ABL1: variants seen among roughly 807,000 people sequenced by gnomAD.
The protein encoded by ABL1 is tyrosine-protein kinase ABL1.
Under a neutral mutation model 94.7 loss-of-function variants are expected in ABL1, and 11 were observed. The observed-to-expected ratio is 0.12, with a 90% CI of 0.07 to 0.19. The LOEUF is 0.19. Among genes scored for constraint, ABL1 ranks in the 10% least tolerant of loss-of-function variants. ABL1 has a pLI of 1.00. For missense variants in ABL1, 1,082 were observed against 1,489.4 expected (o/e 0.73, Z 4.50); for synonymous variants, 656 against 622.4 (o/e 1.05, Z -0.80).
At chr9:130,793,124 T>C (rs935364123) in intron 1 of ABL1, among the ~76,000 whole-genome samples, 1 of 152,006 alleles carries the variant, frequency 6.6e-6, no homozygotes, top group African/African-American at 2.4e-5. Flanking sequence ...CGGGGTTTCA[T>C]CATGTTGGCC....
Position 130,835,672 on chromosome 9 carries a change from TTCTC to T in ABL1, c.79+149_79+152del. The T allele has an allele frequency of 3.5e-6, 2 of 570,922 alleles. No homozygotes were observed. The highest frequency in any genetic ancestry group is 6.3e-6 in the Non-Finnish European group (2 of 318,016). The allele number at this position is 570,922 out of a possible 1,614,324, so 35.4% of individuals were successfully genotyped here. ...TTTCTTTCTTCCCTCTTCTCTTCTC[TTCTC>T]TTCAGTTCTCTTATATTCTGTCTCT... On this transcript the variant is annotated intron_variant, in intron 1 of 10. Coordinates refer to ENST00000318560, the MANE Select transcript of ABL1 (RefSeq NM_005157.6). The surrounding 1 kb of genome is among the most constrained non-coding windows in gnomAD (Gnocchi z 4.6).
intron 4 of ABL1, among the ~76,000 whole-genome samples, chr9:130,867,842 T>C (rs1831181995): frequency 6.6e-6 from 1 of 152,138 alleles, no homozygotes; most frequent in African/African-American, 2.4e-5. Context: ...GGGGCTCCTC[T>C]ACGAGGTGGT....
Position 130,884,996 on chromosome 9 carries a change from A to G in ABL1, c.2706A>G (p.Pro902=), listed in dbSNP as rs749892005. 2.4e-5 allele frequency: 38 copies of G among 1,611,460 alleles called. No homozygotes were observed. The highest frequency in any genetic ancestry group is 3.2e-5 in the Non-Finnish European group (38 of 1,179,510). ...LSRLKPAPPP[P]PAASAGKAGG... Reference sequence around the variant, plus strand: ...GGCTCAAACCTGCCCCGCCGCCCCCACCAGCAGCCTCTGCAGGGAAGGCTG... The same window carrying G: ...GGCTCAAACCTGCCCCGCCGCCCCCGCCAGCAGCCTCTGCAGGGAAGGCTG... Residue 902 remains proline (P), a synonymous_variant, in exon 11 of 11, where the codon CCA becomes CCG. Coordinates refer to ENST00000318560, the MANE Select transcript of ABL1 (RefSeq NM_005157.6). This position sits in a 1 kb window ranked among gnomAD's most constrained non-coding sequence, Gnocchi z 5.6.
rs757631617 is a variant in ABL1, at chr9:130,885,381, G to A, written c.3091G>A (p.Val1031Met). Residue 1031 changes from valine (V) to methionine (M), a missense_variant, in exon 11 of 11, where the codon GTG (valine) becomes ATG (methionine). By Grantham distance (21) the Val-to-Met change is conservative. Coordinates refer to ENST00000318560, the MANE Select transcript of ABL1 (RefSeq NM_005157.6). ...RIASGAITKGVVLDSTEALCL... is the reference protein window; with the variant it reads ...RIASGAITKGMVLDSTEALCL... Reference sequence around the variant, plus strand: ...CGCCAGCGGCGCCATCACCAAGGGCGTGGTCCTGGACAGCACCGAGGCGCT... The same window carrying A: ...CGCCAGCGGCGCCATCACCAAGGGCATGGTCCTGGACAGCACCGAGGCGCT... The A allele has an allele frequency of 3.3e-5, 54 of 1,613,530 alleles. No individual in the cohort carries two copies. The highest frequency in any genetic ancestry group is 1.2e-4 in the African/African-American group (9 of 74,932).
At chr9:130,737,295 T>C (rs530535293) in intron 1 of ABL1, among the ~76,000 whole-genome samples, 6 of 152,284 alleles carry the variant, frequency 3.9e-5, no homozygotes, top group African/African-American at 1.4e-4. Context: ...TGAGATGAAG[T>C]CTCACTCTGT....
intron 1 of ABL1, among the ~76,000 whole-genome samples, chr9:130,719,310 C>T (rs1303020385): frequency 1.3e-5 from 2 of 152,096 alleles, no homozygotes; most frequent in African/African-American, 4.8e-5. Context: ...ATGTGGATCA[C>T]CTGAGGTCAG....
intron 1 of ABL1, among the ~76,000 whole-genome samples, chr9:130,824,767 C>T (rs564682445): frequency 6.6e-6 from 1 of 152,148 alleles, no homozygotes; most frequent in Non-Finnish European, 1.5e-5. Context: ...CACCACAGTG[C>T]CACTTAGTGA....
chr9:130,757,765 T>C (rs1832059290), intron 1 of ABL1, among the ~76,000 whole-genome samples: 1 of 151,936 alleles, frequency 6.6e-6, no homozygotes, highest in Non-Finnish European at 1.5e-5. Flanking sequence ...CTAGTCTCGA[T>C]CTCCTGACCT....
chr9:130,845,281 A>G (rs1588264085), intron 1 of ABL1, among the ~76,000 whole-genome samples: 1 of 152,090 alleles, frequency 6.6e-6, no homozygotes, highest in African/African-American at 2.4e-5. Flanking sequence ...TAGCCAGACA[A>G]TTTTTAAGAA....
intron 1 of ABL1, among the ~76,000 whole-genome samples, chr9:130,800,442 T>C (rs1010679540): frequency 4.0e-5 from 6 of 151,458 alleles, no homozygotes; most frequent in Non-Finnish European, 8.8e-5. Context: ...AAACACCATG[T>C]GTTCCCCAAA....
chr9:130,753,540 C>T (rs1239180778), intron 1 of ABL1, among the ~76,000 whole-genome samples: 2 of 149,308 alleles, frequency 1.3e-5, no homozygotes, highest in Non-Finnish European at 3.0e-5. Flanking sequence ...ATTCTCCTGC[C>T]TCAGCCTCCC....
In ABL1 at chr9:130,885,564, A is replaced by T. The variant is rs1427306094; in HGVS notation, c.3274A>T (p.Asn1092Tyr). The T allele has an allele frequency of 6.2e-7, 1 of 1,613,958 alleles. No individual in the cohort carries two copies. Among genetic ancestry groups the T allele is most frequent in the Non-Finnish European group, 8.5e-7 (1 of 1,180,046 alleles). ...AFREAINKLE[N>Y]NLRELQICPA... Reference sequence around the variant, plus strand: ...CCGAGAGGCCATCAACAAACTGGAGAATAATCTCCGGGAGCTTCAGATCTG... The same window carrying T: ...CCGAGAGGCCATCAACAAACTGGAGTATAATCTCCGGGAGCTTCAGATCTG... The change falls in exon 11 of 11, where the codon AAT (asparagine) becomes TAT (tyrosine). Residue 1092 changes from asparagine (N) to tyrosine (Y), a missense_variant. Asn to Tyr is a moderately radical substitution (Grantham distance 143). Coordinates refer to ENST00000318560, the MANE Select transcript of ABL1 (RefSeq NM_005157.6).
intron 1 of ABL1, among the ~76,000 whole-genome samples, chr9:130,803,338 G>A (rs1021547785): frequency 6.6e-6 from 1 of 152,030 alleles, no homozygotes. Flanking sequence ...GCGCCCAGCC[G>A]GCTCTCTTTG....
At chr9:130,780,161 C>T (rs571434082) in intron 1 of ABL1, among the ~76,000 whole-genome samples, 46 of 152,280 alleles carry the variant, frequency 3.0e-4, no homozygotes, top group African/African-American at 1.1e-3. Flanking sequence ...GTGGCAGGCA[C>T]CCGTAATCCC....
intron 3 of ABL1, among the ~76,000 whole-genome samples, chr9:130,858,535 G>A (rs1173815594): frequency 2.0e-5 from 3 of 152,134 alleles, no homozygotes; most frequent in Non-Finnish European, 2.9e-5. Context: ...GACCGTCTGC[G>A]GAGGTTCCTT....
At position 130,717,557 on chromosome 9, in the gene ABL1, G is replaced by A. The variant is rs954566442; in HGVS notation, c.136+3102G>A. Among the ~76,000 whole-genome samples, 6 of 151,362 alleles carry A rather than the reference G, an allele frequency of 4.0e-5. No homozygotes were observed. The South Asian group carries it at 8.3e-4, about 21-fold the overall frequency. On this transcript the variant is annotated intron_variant, in intron 1 of 10. Transcript: ENST00000372348. Reference sequence around the variant, plus strand: ...ACCTCTACAGAAATTTAAAAAATTAGCCAAGCTCCCACTGGAGCCAAAGAG... The same window carrying A: ...ACCTCTACAGAAATTTAAAAAATTAACCAAGCTCCCACTGGAGCCAAAGAG...
intron 1 of ABL1, among the ~76,000 whole-genome samples, chr9:130,794,107 G>T (rs1052908141): frequency 6.6e-6 from 1 of 151,968 alleles, no homozygotes; most frequent in African/African-American, 2.4e-5. Context: ...TAAATGTAAT[G>T]CACTTGAATC....
In ABL1 at chr9:130,887,666, T is replaced by C. The variant is rs1214698929; in HGVS notation, c.*1983T>C. 1.4e-5 allele frequency: 3 copies of C among 218,484 alleles called. No homozygotes were observed. The highest frequency in any genetic ancestry group is 4.5e-5 in the African/African-American group (2 of 44,448). The allele number at this position is 218,484 out of a possible 1,614,324, so 13.5% of individuals were successfully genotyped here. ...AGTATTTTTTAAATAAATCAGTGTT[T>C]ACATTAGAATTCTTGGCAGATTGCT... On this transcript the variant is annotated 3_prime_UTR_variant, in exon 11 of 11. Coordinates refer to ENST00000318560, the MANE Select transcript of ABL1 (RefSeq NM_005157.6).
chr9:130,832,517 T>G (rs1830505436), upstream of ABL1, among the ~76,000 whole-genome samples: 3 of 152,208 alleles, frequency 2.0e-5, no homozygotes, highest in East Asian at 5.8e-4. Flanking sequence ...ACCTCCTGGC[T>G]GTGTGAACTT....
Sources: allele counts gnomAD v4.1 joint callset (sites outside exome capture counted in the v4.1 genomes callset), GRCh38; gene constraint gnomAD v4.1.1; non-coding constraint Gnocchi (gnomAD v3.1); transcripts MANE v1.5; gene names NCBI Gene and HGNC (gene_info 2026-07-23, HGNC 2026-07-21).